The following PAM variants were observed in gnomAD, a reference collection of about 807,000 sequenced individuals.
PAM encodes peptidyl-glycine alpha-amidating monooxygenase.
In PAM, 72 loss-of-function variants were observed where a neutral mutation model predicts 122.1. That is an observed-to-expected ratio of 0.59 (90% confidence interval 0.49 to 0.72). The LOEUF is 0.72. Ranked by LOEUF, PAM falls within the 30% of genes least tolerant of loss-of-function variation. PAM has a pLI of 0.00. For missense variants in PAM, 1,106 were observed against 1,183.7 expected (o/e 0.93, Z 0.96); for synonymous variants, 389 against 404.4 (o/e 0.96, Z 0.46).
intron 12 of PAM, among the ~76,000 whole-genome samples, chr5:102,953,497 T>C (rs909623153): frequency 6.6e-6 from 1 of 152,080 alleles, no homozygotes; most frequent in Non-Finnish European, 1.5e-5. Context: ...CACTTATATG[T>C]GGAGTCTAAA....
At chr5:102,852,145 A>T (rs1781490984) in intron 1 of PAM, among the ~76,000 whole-genome samples, 1 of 152,234 alleles carries the variant, frequency 6.6e-6, no homozygotes, top group Non-Finnish European at 1.5e-5. Context: ...ATGACTGGCC[A>T]GTCAAGCATT....
chr5:102,924,587 T>G (rs1467650511), intron 5 of PAM, among the ~76,000 whole-genome samples: 1 of 152,188 alleles, frequency 6.6e-6, no homozygotes, highest in Non-Finnish European at 1.5e-5. Context: ...GACACTTTTT[T>G]TAGTCCAGAT....
chr5:102,763,614 T>A (rs1753043610), intron 1 of PAM, among the ~76,000 whole-genome samples: 1 of 152,188 alleles, frequency 6.6e-6, no homozygotes, highest in African/African-American at 2.4e-5. Context: ...TGACACTTGA[T>A]TGATATCTGA....
intron 1 of PAM, among the ~76,000 whole-genome samples, chr5:102,816,832 A>G (rs1014522201): frequency 6.6e-6 from 1 of 152,042 alleles, no homozygotes; most frequent in Admixed American, 6.6e-5. Flanking sequence ...AATTCCATCC[A>G]TATGCTGACA....
At chr5:103,030,325 T>A (rs1298057767), downstream of PAM, 1 of 152,234 alleles carries the variant, frequency 6.6e-6, no homozygotes. Context: ...GCAGATTAGT[T>A]TTAAAACGTC....
intron 1 of PAM, among the ~76,000 whole-genome samples, chr5:102,829,845 A>G (rs1436821662): frequency 6.6e-6 from 1 of 152,234 alleles, no homozygotes; most frequent in Non-Finnish European, 1.5e-5. Flanking sequence ...TAGATGGGTC[A>G]ATATTATACA....
intron 14 of PAM, among the ~76,000 whole-genome samples, chr5:102,969,470 G>A (rs558522498): frequency 6.2e-4 from 95 of 152,120 alleles, no homozygotes; most frequent in Non-Finnish European, 1.1e-3. Flanking sequence ...AGCAGAGATG[G>A]GGGTCCTTTC....
intron 5 of PAM, among the ~76,000 whole-genome samples, chr5:102,915,951 T>C (rs977412936): frequency 6.6e-6 from 1 of 152,046 alleles, no homozygotes; most frequent in Admixed American, 6.6e-5. Context: ...ATCTTCCACA[T>C]TGGGGAATAA....
intron 1 of PAM, among the ~76,000 whole-genome samples, chr5:102,797,999 G>T (rs1280265490): frequency 6.6e-6 from 1 of 152,084 alleles, no homozygotes; most frequent in African/African-American, 2.4e-5. Context: ...CAAATTTTGT[G>T]TGAAAATAGA....
intron 1 of PAM, among the ~76,000 whole-genome samples, chr5:102,816,288 G>T (rs2150257718): frequency 6.6e-6 from 1 of 152,154 alleles, no homozygotes; most frequent in East Asian, 1.9e-4. Context: ...TTAATTCTTT[G>T]CCACAAAAGC....
intron 11 of PAM, 150 bp from the exon 12 acceptor site, chr5:102,950,567 C>A: frequency 3.5e-6 from 2 of 573,330 alleles, no homozygotes; most frequent in East Asian, 2.9e-5. Context: ...TGAATGGATG[C>A]TGAAAAAGCA....
intron 1 of PAM, among the ~76,000 whole-genome samples, chr5:102,828,676 T>A (rs1376028387): frequency 6.6e-6 from 1 of 152,164 alleles, no homozygotes; most frequent in African/African-American, 2.4e-5. Context: ...AGGTGCCCAA[T>A]AAAGTTTAGT....
chr5:102,929,726 T>C (rs980478823), intron 7 of PAM, among the ~76,000 whole-genome samples: 3 of 152,162 alleles, frequency 2.0e-5, no homozygotes, highest in African/African-American at 7.2e-5. Flanking sequence ...TGGTAGAGTA[T>C]CTGAGAGAGT....
At chr5:102,763,013 T>C (rs1322130276) in intron 1 of PAM, among the ~76,000 whole-genome samples, 3 of 152,198 alleles carry the variant, frequency 2.0e-5, no homozygotes, top group Non-Finnish European at 2.9e-5. Context: ...GTCAAGGAGC[T>C]GTTAATAGGA....
intron 1 of PAM, among the ~76,000 whole-genome samples, chr5:102,791,381 CTTTTT>C (rs544126556): frequency 6.6e-6 from 1 of 151,674 alleles, no homozygotes; most frequent in Non-Finnish European, 1.5e-5. Flanking sequence ...AATTAGCTTT[CTTTTT>C]TTTAACTGCC....
intron 7 of PAM, among the ~76,000 whole-genome samples, chr5:102,942,613 T>C (rs536032083): frequency 1.3e-5 from 2 of 152,010 alleles, no homozygotes; most frequent in East Asian, 3.9e-4. Context: ...AACAGAGTCT[T>C]GCTCTGTCAC....
At chr5:102,798,015 G>A (rs1338992520) in intron 1 of PAM, among the ~76,000 whole-genome samples, 1 of 151,988 alleles carries the variant, frequency 6.6e-6, no homozygotes, top group East Asian at 1.9e-4. Context: ...ATAGACAATG[G>A]CATATACTAT....
chr5:102,931,807 ACTCTCTCTCTCT>A (rs60775669), intron 7 of PAM, among the ~76,000 whole-genome samples: 1 of 141,350 alleles, frequency 7.1e-6, no homozygotes, highest in Admixed American at 7.1e-5. Flanking sequence ...CAAACAACAC[ACTCTCTCTCTCT>A]CTCTCTCTCT....
chr5:102,917,254 C>T (rs543036699), intron 5 of PAM, among the ~76,000 whole-genome samples: 16 of 152,114 alleles, frequency 1.1e-4, no homozygotes, highest in Admixed American at 1.3e-4. Flanking sequence ...CTTATCCTGT[C>T]ATCTGAATTA....
Sources: gnomAD v4.1 joint callset for allele counts (sites outside exome capture counted in the v4.1 genomes callset) on GRCh38, gnomAD v4.1.1 for gene constraint, MANE v1.5 for transcripts, NCBI Gene and HGNC (gene_info 2026-07-23, HGNC 2026-07-21) for gene names.